Variants in HYDIN observed in about 807,000 individuals in gnomAD.
The protein encoded by HYDIN is axonemal central pair apparatus protein HYDIN.
Under a neutral mutation model 403.9 loss-of-function variants are expected in HYDIN, and 132 were observed. That is an observed-to-expected ratio of 0.33 (90% CI 0.28 to 0.38). The LOEUF is 0.38. HYDIN is among the 10% of genes least tolerant of loss of function. The probability of loss-of-function intolerance (pLI) is 1.00; values close to 1 mark genes in which losing one functional copy is unlikely to be tolerated. For synonymous variants in HYDIN, 1,202 were observed against 1,891.7 expected, an observed-to-expected ratio of 0.64 and a Z score of 9.46; for missense variants, 2,827 against 5,009.5, an observed-to-expected ratio of 0.56 and a Z score of 13.15.
At chr16:70,946,870 G>A (rs2077880477) in intron 41 of HYDIN, among the ~76,000 whole-genome samples, 1 of 152,184 alleles carries the variant, frequency 6.6e-6, no homozygotes. Flanking sequence ...TCAGGATTGT[G>A]ATTTTTGTAC....
At chr16:71,050,045 G>T (rs1345306100) in intron 18 of HYDIN, among the ~76,000 whole-genome samples, 34 of 138,584 alleles carry the variant, frequency 2.5e-4, no homozygotes, top group East Asian at 7.9e-4. Flanking sequence ...TGTGTGTGTG[G>T]GTGTGTGTGT....
At chr16:70,978,120 T>C (rs1211827099) in intron 30 of HYDIN, among the ~76,000 whole-genome samples, 1 of 151,916 alleles carries the variant, frequency 6.6e-6, no homozygotes, top group Non-Finnish European at 1.5e-5. Flanking sequence ...CTGAACTCCT[T>C]TCCCTCCCCT....
At chr16:70,937,612 G>A (rs2487935) in intron 44 of HYDIN, among the ~76,000 whole-genome samples, 53,934 of 111,774 alleles carry the variant, frequency 0.48, 15,567 homozygotes, top group Non-Finnish European at 0.66. Context: ...CTGAGATTGT[G>A]CCACTCAAGG....
intron 84 of HYDIN, among the ~76,000 whole-genome samples, chr16:70,813,350 T>C (rs1360898729): frequency 2.0e-5 from 3 of 151,714 alleles, no homozygotes; most frequent in Non-Finnish European, 4.4e-5. Context: ...GAGGCCCGCA[T>C]AGTGAGGAAC....
At chr16:70,834,294 T>G (rs2037219980) in intron 78 of HYDIN, 130 bp from the exon 79 acceptor site, 1 of 600,948 alleles carries the variant, frequency 1.7e-6, no homozygotes, top group Non-Finnish European at 2.9e-6. Flanking sequence ...CAGCTGTGTA[T>G]GCTTTGGTAA....
intron 9 of HYDIN, among the ~76,000 whole-genome samples, chr16:71,117,732 A>G (rs1390215160): frequency 6.6e-6 from 1 of 152,144 alleles, no homozygotes; most frequent in East Asian, 1.9e-4. Context: ...GTCTGGCTAG[A>G]AAGAACATAC....
intron 39 of HYDIN, among the ~76,000 whole-genome samples, chr16:70,958,049 G>A (rs906547550): frequency 4.1e-5 from 6 of 146,136 alleles, no homozygotes; most frequent in African/African-American, 1.3e-4. Context: ...TTTAAATTAC[G>A]GAAAGAATAC....
chr16:71,031,762 A>T lies in HYDIN; in HGVS notation c.2685T>A (p.Ile895=). 7.9e-7 allele frequency: 1 copy of T among 1,271,268 alleles called. No homozygotes were observed. Among genetic ancestry groups the T allele is most frequent in the Non-Finnish European group, 1.1e-6 (1 of 873,376 alleles). The allele number at this position is 1,271,268 out of a possible 1,614,324, so 78.7% of individuals were successfully genotyped here. A position where few individuals can be genotyped will look rare whatever the true frequency, so the allele number is the denominator to read the frequency against. Residue 895 remains isoleucine (I), a synonymous_variant, in exon 19 of 86, where the codon ATT becomes ATA. Transcript: ENST00000393567. The part of the protein sequence containing the change: ...LDIENSSTYR[I]PVQASGTGST... The stretch of plus-strand genomic sequence containing the variant: ...AACCAGTTCCGGAAGCCTGAACAGG[A>T]ATCCGATAGGTACTGCTATTTTCAA...
intron 13 of HYDIN, among the ~76,000 whole-genome samples, chr16:71,073,045 A>G (rs1216506993): frequency 6.6e-6 from 1 of 152,240 alleles, no homozygotes; most frequent in Non-Finnish European, 1.5e-5. Flanking sequence ...GATCTTAAGT[A>G]GAGGTTTTCT....
At chr16:70,889,904 G>A (rs1389682625) in intron 57 of HYDIN, among the ~76,000 whole-genome samples, 200 bp from the exon 58 acceptor site, 5 of 152,212 alleles carry the variant, frequency 3.3e-5, no homozygotes, top group Admixed American at 6.5e-5. Flanking sequence ...GAAACTAGGC[G>A]GTAATTATAC....
intron 1 of HYDIN, among the ~76,000 whole-genome samples, chr16:71,191,446 T>C (rs977881066): frequency 6.6e-6 from 1 of 152,154 alleles, no homozygotes; most frequent in Non-Finnish European, 1.5e-5. Flanking sequence ...CTGTGTATCC[T>C]GGACATGTAC....
chr16:70,853,382 A>G (rs2038795816), intron 73 of HYDIN, among the ~76,000 whole-genome samples: 1 of 150,680 alleles, frequency 6.6e-6, no homozygotes, highest in Non-Finnish European at 1.5e-5. Context: ...TTCCCCAGTG[A>G]CATGAAGACA....
chr16:71,197,589 A>T (rs1359499491), intron 1 of HYDIN, among the ~76,000 whole-genome samples: 1 of 152,250 alleles, frequency 6.6e-6, no homozygotes, highest in Non-Finnish European at 1.5e-5. Flanking sequence ...ATAAAGAATT[A>T]TTACAAAGTG....
At position 70,903,954 on chromosome 16, in the gene HYDIN, G is replaced by C; in HGVS notation, c.8627C>G (p.Thr2876Arg). The C allele has an allele frequency of 1.2e-6, 1 of 811,842 alleles. No individual in the cohort carries two copies. Among genetic ancestry groups the C allele is most frequent in the South Asian group, 1.5e-5 (1 of 67,360 alleles). 50.3% of individuals were successfully genotyped at this position (811,842 alleles called of 1,614,324 possible). ...FYFQNDVKAN[T>R]YFLEPNTMVL... is the part of the protein sequence containing the mutation. The stretch of plus-strand genomic sequence containing the variant: ...CATGGTGTTGGGTTCCAGGAAGTAC[G>C]TGTTTGCTTTGACATCATTCTGAAA... The change falls in exon 51 of 86, where the codon ACG (threonine) becomes AGG (arginine). Residue 2876 changes from threonine to arginine, a missense_variant. Physicochemically the swap from Thr to Arg is moderately conservative, Grantham distance 71. Coordinates refer to ENST00000393567, the MANE Select transcript of HYDIN (RefSeq NM_001270974.2).
intron 23 of HYDIN, among the ~76,000 whole-genome samples, chr16:71,013,063 G>C (rs1293595488): frequency 6.8e-6 from 1 of 146,896 alleles, no homozygotes; most frequent in Non-Finnish European, 1.5e-5. Context: ...TGGGGCTCCA[G>C]AGGTGATAGG....
chr16:71,061,322 G>A (rs1568082499), intron 17 of HYDIN, among the ~76,000 whole-genome samples: 1 of 150,664 alleles, frequency 6.6e-6, no homozygotes, highest in African/African-American at 2.4e-5. Flanking sequence ...AAGTTAAGTG[G>A]CTTATTTACG....
At chr16:70,872,531 A>G (rs1271135893) in intron 64 of HYDIN, among the ~76,000 whole-genome samples, 1 of 148,066 alleles carries the variant, frequency 6.8e-6, no homozygotes, top group Non-Finnish European at 1.5e-5. Flanking sequence ...CCATCCATCC[A>G]TCATCCATTC....
intron 4 of HYDIN, 23 bp downstream of exon 4, chr16:71,178,905 C>G: frequency 1.3e-6 from 2 of 1,598,176 alleles, no homozygotes; most frequent in Non-Finnish European, 1.7e-6. Context: ...GAACAGTTCA[C>G]CCACCCCAGT....
chr16:71,186,634 T>G, intron 2 of HYDIN, 127 bp downstream of exon 2: 1 of 753,266 alleles, frequency 1.3e-6, no homozygotes, highest in African/African-American at 1.8e-5. Context: ...AAAGCTACCA[T>G]TATAACTAAA....
Sources: gnomAD v4.1 joint callset for allele counts (sites outside exome capture counted in the v4.1 genomes callset) on GRCh38, gnomAD v4.1.1 for gene constraint, MANE v1.5 for transcripts, NCBI Gene and HGNC (gene_info 2026-07-23, HGNC 2026-07-21) for gene names.